Variants in P3H2 observed in about 807,000 individuals in gnomAD.
P3H2 encodes the protein leprecan-like 1.
In P3H2, 80 loss-of-function variants were observed where a neutral mutation model predicts 87.0. The observed-to-expected ratio is 0.92, with a 90% CI of 0.77 to 1.11. P3H2 has a LOEUF of 1.11. Ranked by LOEUF, P3H2 falls within the 50% of genes least tolerant of loss-of-function variation. The pLI is 0.00. For synonymous variants in P3H2, 367 were observed against 359.3 expected (o/e 1.02, Z -0.24); for missense variants, 1,001 against 923.9 (o/e 1.08, Z -1.08).
chr3:189,968,316 C>T (rs937024503), intron 13 of P3H2, among the ~76,000 whole-genome samples: 7 of 152,102 alleles, frequency 4.6e-5, no homozygotes, highest in East Asian at 1.9e-4. Flanking sequence ...CATTGTTCAG[C>T]TCCCACTTAT....
intron 12 of P3H2, chr3:189,971,669 G>A: frequency 1.9e-6 from 1 of 531,518 alleles, no homozygotes; most frequent in Admixed American, 3.2e-5. Context: ...AAACAAAATG[G>A]ACATTTTGTG....
chr3:190,102,103 T>C (rs564715740), intron 1 of P3H2, among the ~76,000 whole-genome samples: 1 of 152,348 alleles, frequency 6.6e-6, no homozygotes, highest in South Asian at 2.1e-4. Context: ...TTCAAAATAT[T>C]ACTGCTAATT....
At chr3:189,989,096 A>C (rs1723797788) in intron 3 of P3H2, 58 bp from the exon 4 acceptor site, 1 of 1,604,796 alleles carries the variant, frequency 6.2e-7, no homozygotes, top group Non-Finnish European at 8.5e-7. Flanking sequence ...CCAAACGTCA[A>C]CGTCACAGCC....
intron 1 of P3H2, among the ~76,000 whole-genome samples, chr3:190,030,046 C>CT (rs973417175): frequency 4.0e-5 from 6 of 151,306 alleles, no homozygotes; most frequent in Non-Finnish European, 7.4e-5. Context: ...ATGTGCTGAA[C>CT]TATCAGGCTA....
At chr3:189,989,939 A>G (rs1723826534) in intron 3 of P3H2, among the ~76,000 whole-genome samples, 1 of 152,200 alleles carries the variant, frequency 6.6e-6, no homozygotes, top group Non-Finnish European at 1.5e-5. Flanking sequence ...TGATTTTTAC[A>G]ATGAAGATGG....
At chr3:189,958,752 G>A (rs529420648) in intron 14 of P3H2, among the ~76,000 whole-genome samples, 5 of 142,082 alleles carry the variant, frequency 3.5e-5, no homozygotes, top group Non-Finnish European at 7.5e-5. Flanking sequence ...TGCCCAGGCT[G>A]GAGTCCAGTG....
intron 1 of P3H2, among the ~76,000 whole-genome samples, chr3:190,118,137 G>A (rs189732134): frequency 1.2e-4 from 18 of 152,242 alleles, no homozygotes; most frequent in Admixed American, 1.0e-3. Flanking sequence ...CCAGGGAACC[G>A]GAGGGGAAAT....
intron 1 of P3H2, among the ~76,000 whole-genome samples, chr3:190,114,387 C>T (rs1456357042): frequency 1.3e-5 from 2 of 151,660 alleles, no homozygotes; most frequent in East Asian, 2.0e-4. Flanking sequence ...GGGGTTTCAC[C>T]GTGTTAGCCA....
At chr3:190,075,211 C>T (rs914760944) in intron 1 of P3H2, among the ~76,000 whole-genome samples, 2 of 152,334 alleles carry the variant, frequency 1.3e-5, no homozygotes, top group Non-Finnish European at 2.9e-5. Flanking sequence ...TGCAGCTGGG[C>T]ACAGTGGCTC....
chr3:190,119,491 T>C (rs76768945), intron 1 of P3H2, among the ~76,000 whole-genome samples: 6,975 of 152,196 alleles, frequency 0.046, 386 homozygotes, highest in African/African-American at 0.13. Flanking sequence ...TCAATATGCA[T>C]ACTATACCTC....
chr3:190,014,067 GAGA>G (rs1338196105), intron 1 of P3H2, among the ~76,000 whole-genome samples: 2 of 152,192 alleles, frequency 1.3e-5, no homozygotes, highest in Non-Finnish European at 2.9e-5. Flanking sequence ...GTTGATTTAT[GAGA>G]AGTATTTATT....
intron 1 of P3H2, among the ~76,000 whole-genome samples, chr3:190,050,620 T>A (rs1030438923): frequency 2.0e-5 from 3 of 152,146 alleles, no homozygotes; most frequent in Non-Finnish European, 2.9e-5. Flanking sequence ...CAGTTCTATA[T>A]CTGTATGATC....
intron 7 of P3H2, chr3:189,983,402 A>G (rs1163825294): frequency 2.3e-6 from 1 of 433,874 alleles, no homozygotes; most frequent in Admixed American, 3.7e-5. Flanking sequence ...AACTCTCTTC[A>G]GATTAGACTC....
At chr3:190,067,011 CTT>C (rs56858478) in intron 1 of P3H2, among the ~76,000 whole-genome samples, 12 of 139,726 alleles carry the variant, frequency 8.6e-5, no homozygotes, top group South Asian at 2.3e-4. Context: ...AATTTTCTTT[CTT>C]TTTTTTTTTT....
intron 1 of P3H2, among the ~76,000 whole-genome samples, chr3:189,997,374 G>C (rs1325252606): frequency 6.6e-6 from 1 of 152,126 alleles, no homozygotes; most frequent in African/African-American, 2.4e-5. Flanking sequence ...TTTCATGGTG[G>C]AATCTAAAAT....
chr3:189,978,249 A>C (rs1371171610), intron 8 of P3H2, among the ~76,000 whole-genome samples: 1 of 152,226 alleles, frequency 6.6e-6, no homozygotes, highest in Non-Finnish European at 1.5e-5. Flanking sequence ...TATTATTTTA[A>C]ACATAATTAG....
intron 3 of P3H2, among the ~76,000 whole-genome samples, 157 bp downstream of exon 3, chr3:189,993,937 T>A (rs1461127428): frequency 6.6e-6 from 1 of 152,192 alleles, no homozygotes; most frequent in African/African-American, 2.4e-5. Context: ...AAATTTTAAC[T>A]ACATACATTT....
At chr3:189,975,977 G>C (rs1490560870) in intron 8 of P3H2, among the ~76,000 whole-genome samples, 1 of 152,106 alleles carries the variant, frequency 6.6e-6, no homozygotes, top group Non-Finnish European at 1.5e-5. Flanking sequence ...TATTTTAGTA[G>C]TTTCATACAG....
intron 14 of P3H2, chr3:189,963,673 A>C: frequency 2.5e-6 from 1 of 398,134 alleles, no homozygotes; most frequent in Non-Finnish European, 4.7e-6. Flanking sequence ...CGAACTCCCG[A>C]CCTCAAGTGA....
Sources: gnomAD v4.1 joint callset for allele counts (sites outside exome capture counted in the v4.1 genomes callset) on GRCh38, gnomAD v4.1.1 for gene constraint, MANE v1.5 for transcripts, NCBI Gene and HGNC (gene_info 2026-07-23, HGNC 2026-07-21) for gene names.